Variants in ERCC6 observed in about 807,000 individuals in gnomAD.
ERCC6 encodes the protein ERCC excision repair 6, chromatin remodeling factor, also known as DNA excision repair protein ERCC-6.
In ERCC6, 116 loss-of-function variants were observed where a neutral mutation model predicts 158.7. The observed-to-expected ratio is 0.73, with a 90% CI of 0.63 to 0.85. The LOEUF is 0.85. Among genes scored for constraint, ERCC6 ranks in the 40% least tolerant of loss-of-function variants. The pLI, the probability that ERCC6 is intolerant of heterozygous loss-of-function variation, is 0.00. For synonymous variants in ERCC6, 678 were observed against 659.3 expected (o/e 1.03, Z -0.43); for missense variants, 1,698 against 1,799.4 (o/e 0.94, Z 1.02).
intron 18 of ERCC6, among the ~76,000 whole-genome samples, chr10:49,467,919 T>C (rs1850706525): frequency 6.6e-6 from 1 of 152,094 alleles, no homozygotes; most frequent in Admixed American, 6.6e-5. Context: ...TGTTGGATGT[T>C]GGGTATTTGT....
At chr10:49,501,795 G>GA (rs199823585) in intron 6 of ERCC6, 104 of 140,482 alleles carry the variant, frequency 7.4e-4, no homozygotes, top group South Asian at 8.9e-4. Context: ...ATCTCTACAA[G>GA]AAAAAAAAAA....
chr10:49,500,159 T>G (rs1469734381), intron 7 of ERCC6, among the ~76,000 whole-genome samples: 1 of 152,222 alleles, frequency 6.6e-6, no homozygotes, highest in Non-Finnish European at 1.5e-5. Flanking sequence ...ATTTAATAAA[T>G]GGAACTAAAG....
At chr10:49,438,358 T>C in the ERCC6 span, among the ~76,000 whole-genome samples, 1 of 152,140 alleles carries the variant, frequency 6.6e-6, no homozygotes, top group South Asian at 2.1e-4. Context: ...ACTTCTTACA[T>C]GGCAGTGGCA....
intron 10 of ERCC6, among the ~76,000 whole-genome samples, chr10:49,481,059 T>C (rs916515456): frequency 1.3e-5 from 2 of 152,258 alleles, no homozygotes; most frequent in Non-Finnish European, 2.9e-5. Context: ...AGGCGATCCT[T>C]GTTTTTGGAA....
chr10:49,507,346 T>C (rs1389375919), intron 5 of ERCC6, among the ~76,000 whole-genome samples: 3 of 152,172 alleles, frequency 2.0e-5, no homozygotes, highest in Non-Finnish European at 4.4e-5. Flanking sequence ...TGAAGCACTG[T>C]TGGTCATTTC....
chr10:49,475,724 G>A (rs183608888), intron 12 of ERCC6, among the ~76,000 whole-genome samples: 36 of 152,248 alleles, frequency 2.4e-4, no homozygotes, highest in Non-Finnish European at 2.9e-5. Flanking sequence ...ATGAGAATTA[G>A]AGCCAGGGAC....
rs552507706 is a variant in ERCC6, at chr10:49,457,519, G to A, written c.*1296C>T. The stretch of plus-strand genomic sequence containing the variant: ...CAGAACCCTCCTCTCTGAGTCACAT[G>A]GATGAGCAGACAGAAGATCTGGACA... On this transcript the variant is annotated 3_prime_UTR_variant, in exon 21 of 21. Coordinates refer to ENST00000355832, the MANE Select transcript of ERCC6 (RefSeq NM_000124.4). 6.6e-6 allele frequency: 1 copy of A among 152,300 alleles called. No homozygotes were observed. The highest frequency in any genetic ancestry group is 2.1e-4 in the South Asian group (1 of 4,826). 9.4% of individuals were successfully genotyped at this position (152,300 alleles called of 1,614,324 possible). A position where few individuals can be genotyped will look rare whatever the true frequency, so the allele number is the denominator to read the frequency against.
At chr10:49,503,863 C>G (rs1027862475) in intron 6 of ERCC6, 1 of 152,006 alleles carries the variant, frequency 6.6e-6, no homozygotes. Flanking sequence ...ACAATGTGAC[C>G]ACAAATAATT....
Position 49,524,513 on chromosome 10 carries a change from G to C in ERCC6, c.917C>G (p.Ala306Gly). The change falls in exon 5 of 21, where the codon GCC (alanine) becomes GGC (glycine). Residue 306 changes from alanine to glycine, a missense_variant. Coordinates refer to ENST00000355832, the MANE Select transcript of ERCC6 (RefSeq NM_000124.4). ...RKAPAPVTPP[A>G]PVQNKNKPNK... ...TGGTTTGTTTTTATTTTGCACTGGGGCTGGAGGCGTGACTGGGGCTGGAGC... is the reference window on the plus strand; with the variant it reads ...TGGTTTGTTTTTATTTTGCACTGGGCCTGGAGGCGTGACTGGGGCTGGAGC... The C allele has an allele frequency of 6.2e-7, 1 of 1,614,156 alleles. No individual in the cohort carries two copies. Among genetic ancestry groups the C allele is most frequent in the Non-Finnish European group, 8.5e-7 (1 of 1,180,012 alleles).
chr10:49,515,701 T>TATCA, intron 5 of ERCC6: 1 of 1,614,124 alleles, frequency 6.2e-7, no homozygotes, highest in African/African-American at 1.3e-5. Context: ...GCCCGATACT[T>TATCA]ATCAATGTTT....
chr10:49,470,247 T>G lies in ERCC6; in HGVS notation c.3713A>C (p.Asn1238Thr). Reference sequence around the variant, plus strand: ...GCTCTGTTCCTTGGCCTCACTCTTGTTTTCACTGTCTTGCTTCTGGTAACG... The same window carrying G: ...GCTCTGTTCCTTGGCCTCACTCTTGGTTTCACTGTCTTGCTTCTGGTAACG... ...KRRYQKQDSE[N>T]KSEAKEQSND... is the part of the protein sequence containing the mutation. Residue 1238 changes from asparagine (N) to threonine (T), a missense_variant, in exon 18 of 21, where the codon AAC becomes ACC. Physicochemically the swap from Asn to Thr is moderately conservative, Grantham distance 65 (BLOSUM62 0). Transcript: ENST00000355832. 6.2e-7 allele frequency: 1 copy of G among 1,614,180 alleles called. No homozygotes were observed. Among genetic ancestry groups the G allele is most frequent in the Non-Finnish European group, 8.5e-7 (1 of 1,180,022 alleles).
chr10:49,510,350 C>T (rs1479949564), intron 5 of ERCC6, among the ~76,000 whole-genome samples: 1 of 152,176 alleles, frequency 6.6e-6, no homozygotes, highest in Non-Finnish European at 1.5e-5. Flanking sequence ...CCGTGCCATA[C>T]CATGTATGCA....
intron 5 of ERCC6, among the ~76,000 whole-genome samples, chr10:49,511,539 C>T (rs1836818292): frequency 6.6e-6 from 1 of 151,958 alleles, no homozygotes; most frequent in South Asian, 2.1e-4. Context: ...ATCCTTGTGC[C>T]TCAGCCTCCA....
intron 18 of ERCC6, among the ~76,000 whole-genome samples, chr10:49,468,947 GCAT>G: frequency 6.6e-6 from 1 of 150,974 alleles, no homozygotes; most frequent in African/African-American, 2.4e-5. Flanking sequence ...GACAATACGA[GCAT>G]CATAATACCC....
Position 49,524,118 on chromosome 10 carries a change from A to G in ERCC6, c.1312T>C (p.Ser438Pro). ...CCTCCTCCTCCTCCTTCTCCTACAGAAGCAGCTTCAGCTTCTTCCCCAGAA... is the reference window on the plus strand; with the variant it reads ...CCTCCTCCTCCTCCTTCTCCTACAGGAGCAGCTTCAGCTTCTTCCCCAGAA... ...PSSGEEAEAA[S>P]VGEGGGGGRK... Residue 438 changes from serine (S) to proline (P), a missense_variant, in exon 5 of 21, where the codon TCT (serine) becomes CCT (proline). Coordinates refer to ENST00000355832, the MANE Select transcript of ERCC6 (RefSeq NM_000124.4). 6.2e-7 allele frequency: 1 copy of G among 1,614,010 alleles called. No individual in the cohort carries two copies. Among genetic ancestry groups the G allele is most frequent in the Non-Finnish European group, 8.5e-7 (1 of 1,180,004 alleles).
At position 49,500,263 on chromosome 10, in the gene ERCC6, G is replaced by C. The variant is rs191636031; in HGVS notation, c.1685+275C>G. On this transcript the variant is annotated intron_variant, in intron 7 of 20. Coordinates refer to ENST00000355832, the MANE Select transcript of ERCC6 (RefSeq NM_000124.4). ...AATCCCTTTGTAGAAGCTAACCTTA[G>C]ACATCGTATTGACCCAAAATATCTA... Among the ~76,000 whole-genome samples, 4 of 152,152 alleles carry C rather than the reference G, an allele frequency of 2.6e-5. No homozygotes were observed. The East Asian group carries it at 5.8e-4, about 22-fold the overall frequency.
chr10:49,481,248 G>A (rs530154728), intron 10 of ERCC6, among the ~76,000 whole-genome samples: 3 of 152,306 alleles, frequency 2.0e-5, no homozygotes, highest in South Asian at 4.1e-4. Context: ...GTGAATCTGG[G>A]TGAAGTGTTA....
chr10:49,537,552 C>T (rs956211044), intron 1 of ERCC6, among the ~76,000 whole-genome samples: 9 of 150,912 alleles, frequency 6.0e-5, no homozygotes, highest in African/African-American at 2.0e-4. Flanking sequence ...ATTGTGGTGA[C>T]TGCTGTTAAG....
intron 8 of ERCC6, chr10:49,488,453 AG>A (rs942231240): frequency 5.3e-5 from 8 of 152,198 alleles, no homozygotes; most frequent in African/African-American, 1.9e-4. Flanking sequence ...AAGAAAAAAA[AG>A]GGCTCCAGCA....
Sources: allele counts gnomAD v4.1 joint callset (sites outside exome capture counted in the v4.1 genomes callset), GRCh38; gene constraint gnomAD v4.1.1; transcripts MANE v1.5; gene names NCBI Gene and HGNC (gene_info 2026-07-23, HGNC 2026-07-21).